The following CEP128 variants were observed in gnomAD, a reference collection of about 807,000 sequenced individuals.
CEP128 encodes the protein centrosomal protein 128kDa.
CEP128 carries 132 observed loss-of-function variants against 156.7 expected under a neutral mutation model. That is an observed-to-expected ratio of 0.84 (90% CI 0.73 to 0.97). The LOEUF (loss-of-function observed/expected upper bound fraction) is 0.97. CEP128 is among the 50% of genes least tolerant of loss of function. The pLI is 0.00. For synonymous variants in CEP128, 469 were observed against 448.9 expected (o/e 1.04, Z -0.57); for missense variants, 1,252 against 1,281.9 (o/e 0.98, Z 0.36).
chr14:80,739,387 C>T (rs1280175411), intron 19 of CEP128, among the ~76,000 whole-genome samples: 1 of 152,032 alleles, frequency 6.6e-6, no homozygotes, highest in African/African-American at 2.4e-5. Context: ...ACTCTTTTGC[C>T]CTTGTTCTTT....
At chr14:80,889,415 G>A (rs947006828) in intron 8 of CEP128, among the ~76,000 whole-genome samples, 3 of 152,132 alleles carry the variant, frequency 2.0e-5, no homozygotes, top group African/African-American at 7.2e-5. Context: ...GCATGGTACT[G>A]GTACCAAAAC....
At chr14:80,527,868 G>A (rs1372614912) in intron 22 of CEP128, among the ~76,000 whole-genome samples, 1 of 152,040 alleles carries the variant, frequency 6.6e-6, no homozygotes, top group African/African-American at 2.4e-5. Context: ...TTCCAGGCCT[G>A]CCTTTTTTCT....
intron 19 of CEP128, among the ~76,000 whole-genome samples, chr14:80,662,228 G>A (rs1343225396): frequency 6.6e-6 from 1 of 152,130 alleles, no homozygotes; most frequent in African/African-American, 2.4e-5. Context: ...TTTATGCCAT[G>A]AAAAGTGGCT....
At chr14:80,945,933 A>G (rs2139650011), upstream of CEP128, among the ~76,000 whole-genome samples, 1 of 152,290 alleles carries the variant, frequency 6.6e-6, no homozygotes, top group Non-Finnish European at 1.5e-5. Flanking sequence ...TTTCCACAAT[A>G]CACTAGTGGC....
At chr14:80,709,664 C>T (rs1199057497) in intron 19 of CEP128, among the ~76,000 whole-genome samples, 1 of 152,098 alleles carries the variant, frequency 6.6e-6, no homozygotes, top group African/African-American at 2.4e-5. Context: ...TTGAGTCTTC[C>T]TATTCAAGGA....
chr14:80,795,845 G>A (rs1409616439), intron 13 of CEP128, among the ~76,000 whole-genome samples: 1 of 152,078 alleles, frequency 6.6e-6, no homozygotes, highest in Non-Finnish European at 1.5e-5. Flanking sequence ...CTCTTTTCCA[G>A]CCTCCAAGGA....
chr14:80,689,004 C>T (rs1204829069), intron 19 of CEP128, among the ~76,000 whole-genome samples: 1 of 152,058 alleles, frequency 6.6e-6, no homozygotes, highest in Non-Finnish European at 1.5e-5. Context: ...CCCAAATCTG[C>T]ATCAGGAAAC....
Position 80,785,164 on chromosome 14 carries a change from C to G in CEP128, c.1942G>C (p.Ala648Pro). Residue 648 changes from alanine (A) to proline (P), a missense_variant, in exon 15 of 25, where the codon GCT (alanine) becomes CCT (proline). Physicochemically the swap from Ala to Pro is conservative, Grantham distance 27. Transcript: ENST00000555265. ...KDLSAIRADL[A>P]NKLAEEERAK... ...CTCTCTTCCTCAGCCAATTTATTAGCAAGATCTGCTCGGATGGCACTCAGG... is the reference window on the plus strand; with the variant it reads ...CTCTCTTCCTCAGCCAATTTATTAGGAAGATCTGCTCGGATGGCACTCAGG... 1 of 1,614,182 alleles carries G rather than the reference C, an allele frequency of 6.2e-7. No homozygotes were observed. The highest frequency in any genetic ancestry group is 8.5e-7 in the Non-Finnish European group (1 of 1,180,016).
In CEP128 at chr14:80,906,057, T is replaced by C. The variant is rs775436301; in HGVS notation, c.259A>G (p.Ile87Val). 6.9e-6 allele frequency: 11 copies of C among 1,605,352 alleles called. No homozygotes were observed. The highest frequency in any genetic ancestry group is 1.7e-5 in the Admixed American group (1 of 57,156). The change falls in exon 5 of 25, where the codon ATC (isoleucine) becomes GTC (valine). Residue 87 changes from isoleucine (I) to valine (V), a missense_variant. Ile to Val is a conservative substitution (Grantham distance 29). Transcript: ENST00000555265. ...EHLKESLEQS[I>V]DQLRSQRLLR... ...AAACGTTGACTCCGGAGTTGGTCGA[T>C]TGATTGTTCCAAGCTTTCTTTTAAC... is the stretch of plus-strand genomic sequence containing the variant.
chr14:80,597,950 C>CAAAAAAAAAAAA (rs34001813), intron 19 of CEP128, among the ~76,000 whole-genome samples: 12 of 80,130 alleles, frequency 1.5e-4, no homozygotes, highest in Non-Finnish European at 1.7e-4. Context: ...TCCTCAGCTA[C>CAAAAAAAAAAAA]AAAAAAAAAA....
intron 13 of CEP128, among the ~76,000 whole-genome samples, chr14:80,804,850 G>A (rs1475223936): frequency 2.0e-5 from 3 of 152,048 alleles, no homozygotes; most frequent in African/African-American, 7.2e-5. Flanking sequence ...TAACATTACT[G>A]ATGTGTGTAT....
At chr14:80,834,343 T>C (rs17542615) in intron 12 of CEP128, among the ~76,000 whole-genome samples, 48,548 of 151,908 alleles carry the variant, frequency 0.32, 8,756 homozygotes, top group Non-Finnish European at 0.4. Context: ...AAATAAGTAA[T>C]GCAACGACAT....
Position 80,843,199 on chromosome 14 carries a change from C to T in CEP128, c.763-2431G>A, listed in dbSNP as rs147533580. ...AGATAACACACTCCAAGATGTAGAA[C>T]AAATAGGGAATTAAAGGCCCTTTGT... is the stretch of plus-strand genomic sequence containing the variant. On this transcript the variant is annotated intron_variant, in intron 9 of 24. Transcript: ENST00000555265. Among the ~76,000 whole-genome samples, 1,085 of 152,030 alleles carry T rather than the reference C, an allele frequency of 7.1e-3. 14 individuals are homozygous for T. Among genetic ancestry groups the T allele is most frequent in the African/African-American group, 0.025 (1,026 of 41,522 alleles).
intron 19 of CEP128, among the ~76,000 whole-genome samples, chr14:80,671,378 G>A (rs1278974278): frequency 6.6e-6 from 1 of 152,146 alleles, no homozygotes; most frequent in Non-Finnish European, 1.5e-5. Flanking sequence ...TACTAGTGGT[G>A]TCAGACAATT....
At chr14:80,604,675 G>C (rs1892710988) in intron 19 of CEP128, among the ~76,000 whole-genome samples, 1 of 152,024 alleles carries the variant, frequency 6.6e-6, no homozygotes, top group Non-Finnish European at 1.5e-5. Context: ...TGCTGTTTCT[G>C]TTTCCAGATC....
chr14:80,948,166 C>G (rs1886386926), intron 2 of CEP128, among the ~76,000 whole-genome samples: 1 of 152,200 alleles, frequency 6.6e-6, no homozygotes, highest in African/African-American at 2.4e-5. Flanking sequence ...AATTCACTCT[C>G]TTTACATCAG....
At chr14:80,785,567 G>A (rs1241222963) in intron 14 of CEP128, 22 bp from the exon 15 acceptor site, 3 of 1,528,244 alleles carry the variant, frequency 2.0e-6, no homozygotes, top group Admixed American at 2.2e-5. Context: ...AGAACATGAA[G>A]CAAAAGAAAA....
intron 9 of CEP128, among the ~76,000 whole-genome samples, chr14:80,841,680 G>A (rs1275703692): frequency 1.3e-5 from 2 of 151,836 alleles, no homozygotes; most frequent in Admixed American, 6.6e-5. Flanking sequence ...GGGGAAATTG[G>A]AGCACAAGGA....
chr14:80,704,984 TAA>T (rs1897193292), intron 19 of CEP128, among the ~76,000 whole-genome samples: 1 of 151,994 alleles, frequency 6.6e-6, no homozygotes, highest in South Asian at 2.1e-4. Context: ...CCCATTCCAA[TAA>T]GTCTGAAGCA....
Sources: gnomAD v4.1 joint callset for allele counts (sites outside exome capture counted in the v4.1 genomes callset) on GRCh38, gnomAD v4.1.1 for gene constraint, MANE v1.5 for transcripts, NCBI Gene and HGNC (gene_info 2026-07-23, HGNC 2026-07-21) for gene names.